Variants in NBPF15 observed in about 807,000 individuals in gnomAD.
NBPF15 encodes NBPF family member NBPF15.
Under a neutral mutation model 62.2 loss-of-function variants are expected in NBPF15, and 74 were observed. That is an observed-to-expected ratio of 1.19 (90% CI 0.99 to 1.44). NBPF15 has a LOEUF of 1.44. Ranked by LOEUF, NBPF15 falls within the 40% of genes most tolerant of loss-of-function variation. NBPF15 has a pLI of 0.00. For synonymous variants in NBPF15, 244 were observed against 209.7 expected, an observed-to-expected ratio of 1.16 and a Z score of -1.41; for missense variants, 790 against 550.0, an observed-to-expected ratio of 1.44 and a Z score of -4.36.
Position 144,427,811 on chromosome 1 carries a change from T to C in NBPF15, c.1213+7A>G. 1.4e-6 allele frequency: 1 copy of C among 703,070 alleles called. No homozygotes were observed. Among genetic ancestry groups the C allele is most frequent in the South Asian group, 1.6e-5 (1 of 64,492 alleles). The allele number at this position is 703,070 out of a possible 1,614,324, so 43.6% of individuals were successfully genotyped here. ...GATCCTTATCACCTTCATAGAAAGG[T>C]ACTCACCATCCATGTCAATAGCCAA... On this transcript the variant is annotated splice_region_variant and intron_variant, in intron 16 of 21. Transcript: ENST00000581897.
intron 4 of NBPF15, 90 bp downstream of exon 4, chr1:144,456,447 G>A: frequency 2.2e-6 from 2 of 901,084 alleles, no homozygotes; most frequent in South Asian, 4.2e-5. Context: ...GCGATGTTTA[G>A]GGCCCTTGGC....
At chr1:144,448,187 A>G (rs1169360579) in intron 6 of NBPF15, among the ~76,000 whole-genome samples, 1 of 151,988 alleles carries the variant, frequency 6.6e-6, no homozygotes, top group Non-Finnish European at 1.5e-5. Flanking sequence ...CTCTTCCACT[A>G]TCTCCCCTGT....
chr1:144,443,138 G>A (rs1354764710), intron 6 of NBPF15: 1 of 153,632 alleles, frequency 6.5e-6, no homozygotes, highest in Non-Finnish European at 1.5e-5. Context: ...ATGGGCTGGG[G>A]GCCAGGGATA....
intron 2 of NBPF15, among the ~76,000 whole-genome samples, chr1:144,459,933 C>G (rs1442316355): frequency 6.6e-6 from 1 of 150,570 alleles, no homozygotes; most frequent in Non-Finnish European, 1.5e-5. Context: ...ACCTCTAAAA[C>G]CAACAATGCC....
At chr1:144,455,830 G>A (rs587645713) in intron 4 of NBPF15, among the ~76,000 whole-genome samples, 4 of 151,856 alleles carry the variant, frequency 2.6e-5, no homozygotes, top group Non-Finnish European at 5.9e-5. Flanking sequence ...TACTCGTTAT[G>A]GGGTCTCTAG....
At chr1:144,437,912 G>T (rs782007932) in intron 9 of NBPF15, 33 bp downstream of exon 9, 1 of 1,592,866 alleles carries the variant, frequency 6.3e-7, no homozygotes, top group East Asian at 2.2e-5. Flanking sequence ...TTACACACCT[G>T]CCCCCCTGCC....
chr1:144,435,631 G>A (rs1170817588), intron 11 of NBPF15, 150 bp downstream of exon 11: 153 of 1,332,146 alleles, frequency 1.1e-4, no homozygotes, highest in Admixed American at 1.1e-3. Context: ...GACAGCTGCC[G>A]CACCCTGTGT....
At chr1:144,442,141 AT>A (rs1683503647) in intron 6 of NBPF15, among the ~76,000 whole-genome samples, 3 of 11,914 alleles carry the variant, frequency 2.5e-4, no homozygotes, top group African/African-American at 5.0e-4. Flanking sequence ...GTATATATAT[AT>A]ATATAATATA....
Position 144,455,354 on chromosome 1 carries a change from C to T in NBPF15, c.-432+1183G>A, listed in dbSNP as rs587714833. 1.3e-3 allele frequency among the ~76,000 whole-genome samples: 194 copies of T among 152,042 alleles called. 3 individuals carry two copies. The highest frequency in any genetic ancestry group is 2.3e-3 in the Non-Finnish European group (153 of 67,958). On this transcript the variant is annotated intron_variant, in intron 4 of 21. Transcript: ENST00000581897. ...TGAGAACATCCAGGGGAACTTACACCACCAGTATTTCCCATTAACAGGAAC... is the reference window on the plus strand; with the variant it reads ...TGAGAACATCCAGGGGAACTTACACTACCAGTATTTCCCATTAACAGGAAC...
chr1:144,426,499 C>G (rs1553539289), intron 17 of NBPF15, 49 bp from the exon 18 acceptor site: 1 of 791,748 alleles, frequency 1.3e-6, no homozygotes, highest in South Asian at 1.3e-5. Flanking sequence ...AATCAGAAAC[C>G]ACACAGCCCC....
rs782021320 is a variant in NBPF15 at position 144,428,178 on chromosome 1, GACACACAC to G, written c.1041-196_1041-189del. On this transcript the variant is annotated intron_variant, in intron 15 of 21. Transcript: ENST00000581897. The stretch of plus-strand genomic sequence containing the variant: ...CAGGTAGAAAAGGATGAAAGAGAAA[GACACACAC>G]ACACACACACACACACACACACACA... 4.7e-3 allele frequency among the ~76,000 whole-genome samples: 629 copies of G among 132,536 alleles called. 7 individuals carry two copies. The highest frequency in any genetic ancestry group is 0.017 in the African/African-American group (603 of 34,666). 86.9% of individuals were successfully genotyped at this position (132,536 alleles called of 152,430 possible).
chr1:144,443,365 A>T (rs1445908238), intron 6 of NBPF15, among the ~76,000 whole-genome samples: 2 of 151,938 alleles, frequency 1.3e-5, no homozygotes, highest in Non-Finnish European at 2.9e-5. Flanking sequence ...GTAGCTTTAA[A>T]ATCAGGTTTG....
intron 3 of NBPF15, among the ~76,000 whole-genome samples, chr1:144,457,721 T>C (rs1462998090): frequency 6.6e-6 from 1 of 152,040 alleles, no homozygotes; most frequent in Non-Finnish European, 1.5e-5. Flanking sequence ...ATAACAACAA[T>C]GAATACTATA....
At chr1:144,428,864 G>C (rs1317414996) in intron 14 of NBPF15, among the ~76,000 whole-genome samples, 3 of 151,896 alleles carry the variant, frequency 2.0e-5, no homozygotes, top group African/African-American at 7.3e-5. Context: ...AAATTCCCCT[G>C]TTTTGGAATG....
chr1:144,428,687 C>A (rs1671828216), intron 14 of NBPF15, 30 bp from the exon 15 acceptor site: 1 of 870,118 alleles, frequency 1.1e-6, no homozygotes, highest in Non-Finnish European at 2.0e-6. Context: ...GGCCCTCTTA[C>A]ATTAAGCAGT....
intron 11 of NBPF15, among the ~76,000 whole-genome samples, 153 bp downstream of exon 11, chr1:144,435,628 G>A (rs1157794008): frequency 1.3e-5 from 2 of 151,902 alleles, no homozygotes; most frequent in South Asian, 2.1e-4. Flanking sequence ...CATGACAGCT[G>A]CCGCACCCTG....
intron 6 of NBPF15, among the ~76,000 whole-genome samples, chr1:144,447,190 C>T (rs1422382463): frequency 6.6e-6 from 1 of 152,274 alleles, no homozygotes; most frequent in African/African-American, 2.4e-5. Context: ...CCCGCCATGA[C>T]CTCCAGCCTG....
chr1:144,441,661 T>C lies in NBPF15; in HGVS notation c.-190-1366A>G, dbSNP rs1413619530. Among the ~76,000 whole-genome samples, 229 of 150,330 alleles carry C rather than the reference T, an allele frequency of 1.5e-3. 1 individual carries two copies. The highest frequency in any genetic ancestry group is 5.3e-4 in the Non-Finnish European group (36 of 67,622). On this transcript the variant is annotated intron_variant, in intron 6 of 21. Transcript: ENST00000581897. ...GAAGTGCAATTCGCTTGATTTCTTA[T>C]TGTGGTGAGTGCTACAGTATCTAGT...
At chr1:144,432,032 A>G (rs1217312256) in intron 13 of NBPF15, among the ~76,000 whole-genome samples, 4 of 151,948 alleles carry the variant, frequency 2.6e-5, no homozygotes, top group Non-Finnish European at 5.9e-5. Flanking sequence ...TGGGTCAAAT[A>G]GTATTTCTAG....
Sources: gnomAD v4.1 joint callset for allele counts (sites outside exome capture counted in the v4.1 genomes callset) on GRCh38, gnomAD v4.1.1 for gene constraint, MANE v1.5 for transcripts, NCBI Gene and HGNC (gene_info 2026-07-23, HGNC 2026-07-21) for gene names.